Variants in MTA3 observed in about 807,000 individuals in gnomAD.
The protein encoded by MTA3 is metastasis-associated protein MTA3.
A neutral mutation model predicts 83.5 loss-of-function variants in MTA3; 34 were observed. The observed-to-expected ratio is 0.41, with a 90% CI of 0.31 to 0.54. The LOEUF (loss-of-function observed/expected upper bound fraction) is 0.54, where lower values mean the gene tolerates loss of function less well. Ranked by LOEUF, MTA3 falls within the 20% of genes least tolerant of loss-of-function variation. The pLI is 0.33. For synonymous variants in MTA3, 303 were observed against 252.7 expected, an observed-to-expected ratio of 1.20 and a Z score of -1.89; for missense variants, 761 against 726.4, an observed-to-expected ratio of 1.05 and a Z score of -0.55.
At chr2:42,690,702 CAG>C (rs1692803558) in intron 9 of MTA3, among the ~76,000 whole-genome samples, 1 of 134,968 alleles carries the variant, frequency 7.4e-6, no homozygotes, top group Non-Finnish European at 1.5e-5. Flanking sequence ...TTTTTGGAGA[CAG>C]AGTCTCTATC....
intron 2 of MTA3, among the ~76,000 whole-genome samples, chr2:42,497,457 C>T (rs929695808): frequency 6.6e-6 from 1 of 151,644 alleles, no homozygotes; most frequent in Non-Finnish European, 1.5e-5. Flanking sequence ...TGGTGGTGCG[C>T]CCCTGTAATC....
chr2:42,748,243 T>TGTGTGTGTG (rs771046809), intron 16 of MTA3, among the ~76,000 whole-genome samples: 3 of 84,172 alleles, frequency 3.6e-5, no homozygotes, highest in Non-Finnish European at 7.4e-5. Context: ...GTGTGTGTGT[T>TGTGTGTGTG]TTAGTAGAGA....
At chr2:42,606,467 A>C (rs1351259517) in intron 3 of MTA3, among the ~76,000 whole-genome samples, 2 of 143,880 alleles carry the variant, frequency 1.4e-5, no homozygotes, top group East Asian at 2.1e-4. Flanking sequence ...CGATCTCCTC[A>C]CATCCCAGAT....
chr2:42,508,579 C>T (rs574807019), intron 2 of MTA3, among the ~76,000 whole-genome samples: 4 of 151,916 alleles, frequency 2.6e-5, no homozygotes, highest in East Asian at 1.9e-4. Context: ...GCAGTCCTCC[C>T]GCCTCAGGCT....
intron 2 of MTA3, among the ~76,000 whole-genome samples, chr2:42,538,757 TG>T (rs984312356): frequency 1.3e-4 from 12 of 94,810 alleles, no homozygotes; most frequent in African/African-American, 1.3e-4. Context: ...AAGAAAAAAA[TG>T]TTTTTTTTGT....
At chr2:42,567,443 C>G (rs1388970420), upstream of MTA3, among the ~76,000 whole-genome samples, 1 of 152,168 alleles carries the variant, frequency 6.6e-6, no homozygotes, top group Non-Finnish European at 1.5e-5. Flanking sequence ...CTGGGGGCAC[C>G]TCTTAGCCCC....
At chr2:42,578,746 G>C (rs1679310707) in intron 2 of MTA3, among the ~76,000 whole-genome samples, 1 of 152,134 alleles carries the variant, frequency 6.6e-6, no homozygotes, top group Non-Finnish European at 1.5e-5. Context: ...AAAAATTGGT[G>C]GGATTAGTTT....
At chr2:42,520,163 T>G (rs574852618) in intron 2 of MTA3, among the ~76,000 whole-genome samples, 1 of 152,324 alleles carries the variant, frequency 6.6e-6, no homozygotes, top group East Asian at 1.9e-4. Context: ...GTAGTTGCCC[T>G]ATGGAACTGA....
At chr2:42,633,455 T>C (rs1558525001) in intron 4 of MTA3, among the ~76,000 whole-genome samples, 2 of 152,000 alleles carry the variant, frequency 1.3e-5, no homozygotes, top group Non-Finnish European at 2.9e-5. Context: ...GGTTCATGCC[T>C]GTGGTCCCAA....
At chr2:42,576,671 T>C (rs1156475582) in intron 2 of MTA3, among the ~76,000 whole-genome samples, 1 of 151,974 alleles carries the variant, frequency 6.6e-6, no homozygotes. Flanking sequence ...GAGGCCGAGG[T>C]GGGTGGATCA....
At chr2:42,735,509 C>G (rs1007679326) in intron 16 of MTA3, among the ~76,000 whole-genome samples, 11 of 152,116 alleles carry the variant, frequency 7.2e-5, no homozygotes, top group Admixed American at 7.2e-4. Flanking sequence ...ATATCTTTCT[C>G]TAGGTTTGAG....
chr2:42,511,249 T>C (rs1674880919), intron 2 of MTA3, among the ~76,000 whole-genome samples: 1 of 152,144 alleles, frequency 6.6e-6, no homozygotes, highest in African/African-American at 2.4e-5. Flanking sequence ...TAATTGCATT[T>C]TTCTCCAAAG....
At chr2:42,667,278 T>G (rs1337873904) in intron 8 of MTA3, among the ~76,000 whole-genome samples, 2 of 152,178 alleles carry the variant, frequency 1.3e-5, no homozygotes, top group African/African-American at 2.4e-5. Context: ...TCACCATTTT[T>G]AAATGTATTA....
At chr2:42,716,805 G>A (rs757561352) in intron 14 of MTA3, among the ~76,000 whole-genome samples, 2 of 152,126 alleles carry the variant, frequency 1.3e-5, no homozygotes, top group Non-Finnish European at 2.9e-5. Context: ...ACATGCATGT[G>A]TCTTTATGAT....
At chr2:42,580,717 T>C (rs1280235106) in intron 3 of MTA3, among the ~76,000 whole-genome samples, 1 of 152,056 alleles carries the variant, frequency 6.6e-6, no homozygotes, top group Non-Finnish European at 1.5e-5. Context: ...TGCCTCCGCC[T>C]CCCGAGTAGC....
rs191479093 is a variant in MTA3, at chr2:42,553,290, G to A, written c.-140-17147G>A. Among the ~76,000 whole-genome samples, 36 of 152,100 alleles carry A rather than the reference G, an allele frequency of 2.4e-4. No homozygotes were observed. The East Asian group carries it at 5.1e-3, about 21-fold the overall frequency. ...ATACAAAAAATTCGCCGGGCATGGT[G>A]GCGGGTGCCTGTAGTCCCAGCTACT... On this transcript the variant is annotated intron_variant, in intron 2 of 17. Coordinates refer to the MTA3 transcript ENST00000405592.
chr2:42,660,346 C>G (rs987382729), intron 8 of MTA3, among the ~76,000 whole-genome samples: 1 of 152,128 alleles, frequency 6.6e-6, no homozygotes, highest in African/African-American at 2.4e-5. Context: ...CTCGGCCTTC[C>G]GAAGTGCTGG....
At chr2:42,594,384 G>T (rs1244344836) in intron 3 of MTA3, among the ~76,000 whole-genome samples, 1 of 147,784 alleles carries the variant, frequency 6.8e-6, no homozygotes, top group African/African-American at 2.5e-5. Flanking sequence ...TTACAGGTGT[G>T]CACCACCATG....
At chr2:42,672,476 C>G (rs984218885) in intron 8 of MTA3, among the ~76,000 whole-genome samples, 2 of 151,500 alleles carry the variant, frequency 1.3e-5, no homozygotes, top group African/African-American at 4.9e-5. Context: ...AACCCTATCT[C>G]TACTAAAAAT....
Sources: gnomAD v4.1 joint callset for allele counts (sites outside exome capture counted in the v4.1 genomes callset) on GRCh38, gnomAD v4.1.1 for gene constraint, MANE v1.5 for transcripts, NCBI Gene and HGNC (gene_info 2026-07-23, HGNC 2026-07-21) for gene names.